GRM8: variants seen among roughly 807,000 people sequenced by gnomAD.
GRM8 encodes metabotropic glutamate receptor 8.
Under a neutral mutation model 87.2 loss-of-function variants are expected in GRM8, and 47 were observed. The observed-to-expected ratio is 0.54, with a 90% CI of 0.43 to 0.69. The LOEUF is 0.69. Among genes scored for constraint, GRM8 ranks in the 30% least tolerant of loss-of-function variants. The pLI, the probability that GRM8 is intolerant of heterozygous loss-of-function variation, is 0.00. For missense variants in GRM8, 1,019 were observed against 1,139.2 expected (o/e 0.89, Z 1.52); for synonymous variants, 396 against 404.5 (o/e 0.98, Z 0.25).
chr7:126,535,014 A>C (rs1363195080), intron 8 of GRM8, among the ~76,000 whole-genome samples: 1 of 152,184 alleles, frequency 6.6e-6, no homozygotes, highest in East Asian at 1.9e-4. Context: ...GGGATATGGA[A>C]ATAGAGGGTA....
chr7:126,570,579 C>T (rs529106369), intron 8 of GRM8, among the ~76,000 whole-genome samples: 1 of 152,176 alleles, frequency 6.6e-6, no homozygotes, highest in African/African-American at 2.4e-5. Context: ...TGCACTAGTC[C>T]CATCACCCAT....
intron 2 of GRM8, among the ~76,000 whole-genome samples, chr7:127,183,569 A>G (rs1297507715): frequency 1.3e-5 from 2 of 151,790 alleles, no homozygotes; most frequent in Non-Finnish European, 3.0e-5. Flanking sequence ...CACTAAATGC[A>G]TATGTTAGAA....
chr7:126,614,833 A>G (rs889935793), intron 7 of GRM8, among the ~76,000 whole-genome samples: 1 of 152,230 alleles, frequency 6.6e-6, no homozygotes, highest in Non-Finnish European at 1.5e-5. Flanking sequence ...AAAAAAGAGT[A>G]AAAAGGAAAG....
At chr7:127,249,224 C>T (rs1193573597) in intron 1 of GRM8, among the ~76,000 whole-genome samples, 3 of 152,118 alleles carry the variant, frequency 2.0e-5, no homozygotes, top group South Asian at 2.1e-4. Context: ...TCACCTCCTG[C>T]CCTGCCCTGC....
chr7:126,519,776 C>T (rs1421893301), intron 9 of GRM8, among the ~76,000 whole-genome samples: 4 of 152,058 alleles, frequency 2.6e-5, no homozygotes, highest in Admixed American at 2.0e-4. Context: ...GTGATCAGTG[C>T]TTATGTAGCT....
At chr7:127,081,431 A>G (rs1446639488) in intron 3 of GRM8, among the ~76,000 whole-genome samples, 1 of 152,252 alleles carries the variant, frequency 6.6e-6, no homozygotes, top group South Asian at 2.1e-4. Flanking sequence ...GTGAAACATT[A>G]GTAACCTTAC....
chr7:126,665,526 C>T (rs753785344), intron 7 of GRM8, among the ~76,000 whole-genome samples: 2 of 152,070 alleles, frequency 1.3e-5, no homozygotes, highest in Non-Finnish European at 2.9e-5. Context: ...TGCATGTTCT[C>T]ACTCATAAGT....
chr7:126,558,130 G>A (rs1793340225), intron 8 of GRM8, among the ~76,000 whole-genome samples: 2 of 152,170 alleles, frequency 1.3e-5, no homozygotes, highest in Admixed American at 6.5e-5. Flanking sequence ...AAAGGTGGAA[G>A]GGTAGGATCA....
chr7:127,155,189 C>A (rs1792644613), intron 2 of GRM8, among the ~76,000 whole-genome samples: 1 of 152,092 alleles, frequency 6.6e-6, no homozygotes, highest in Non-Finnish European at 1.5e-5. Flanking sequence ...ACTTTGTCAG[C>A]AGGGCATGCC....
At chr7:127,140,991 T>C (rs1828229150) in intron 2 of GRM8, among the ~76,000 whole-genome samples, 1 of 152,166 alleles carries the variant, frequency 6.6e-6, no homozygotes, top group African/African-American at 2.4e-5. Flanking sequence ...AATTTGTGAC[T>C]GTCTGCATGC....
intron 3 of GRM8, among the ~76,000 whole-genome samples, chr7:127,015,406 T>C (rs11563361): frequency 0.25 from 38,677 of 151,950 alleles, 5,841 homozygotes; most frequent in Non-Finnish European, 0.35. Context: ...GCTGATAGGA[T>C]GGAGCTGGAA....
At chr7:126,613,933 T>C (rs563700968) in intron 7 of GRM8, among the ~76,000 whole-genome samples, 1 of 152,336 alleles carries the variant, frequency 6.6e-6, no homozygotes, top group East Asian at 1.9e-4. Context: ...TGCCTGCCTC[T>C]GTAGACTCCA....
chr7:126,588,143 T>C (rs1796339726), intron 8 of GRM8, among the ~76,000 whole-genome samples: 1 of 152,178 alleles, frequency 6.6e-6, no homozygotes, highest in African/African-American at 2.4e-5. Flanking sequence ...TACCCATGGC[T>C]CTGACAGCTA....
chr7:126,834,089 C>T (rs144665748), intron 6 of GRM8, among the ~76,000 whole-genome samples: 9 of 152,248 alleles, frequency 5.9e-5, no homozygotes, highest in African/African-American at 2.2e-4. Context: ...AAAGCCAGAA[C>T]CAGGAGGTGC....
chr7:127,185,742 G>C (rs1454676273), intron 2 of GRM8, among the ~76,000 whole-genome samples: 1 of 152,152 alleles, frequency 6.6e-6, no homozygotes, highest in African/African-American at 2.4e-5. Context: ...TAAGAAGGAA[G>C]AGATCCAGGA....
chr7:127,103,234 A>C (rs1832212304), intron 3 of GRM8, among the ~76,000 whole-genome samples: 1 of 152,198 alleles, frequency 6.6e-6, no homozygotes. Context: ...CCAAGGTGGA[A>C]TGATATAGTT....
intron 9 of GRM8, among the ~76,000 whole-genome samples, chr7:126,488,539 G>A (rs1306228453): frequency 6.6e-6 from 1 of 151,780 alleles, no homozygotes; most frequent in African/African-American, 2.4e-5. Flanking sequence ...TTTCACTTTT[G>A]TAAAACACAC....
intron 9 of GRM8, among the ~76,000 whole-genome samples, chr7:126,453,031 C>A (rs1239871946): frequency 6.6e-6 from 1 of 151,446 alleles, no homozygotes; most frequent in Non-Finnish European, 1.5e-5. Flanking sequence ...CTACTTCTCT[C>A]TCAAAATCAG....
chr7:126,663,150 C>A (rs752605679), intron 7 of GRM8, among the ~76,000 whole-genome samples: 1 of 152,122 alleles, frequency 6.6e-6, no homozygotes, highest in African/African-American at 2.4e-5. Context: ...AAAGTTGAAT[C>A]AGTAATACCA....
Sources: allele counts gnomAD v4.1 joint callset (sites outside exome capture counted in the v4.1 genomes callset), GRCh38; gene constraint gnomAD v4.1.1; transcripts MANE v1.5; gene names NCBI Gene and HGNC (gene_info 2026-07-23, HGNC 2026-07-21).